The following OTP variants were observed in gnomAD, a reference collection of about 807,000 sequenced individuals.
The protein encoded by OTP is homeobox protein orthopedia.
In OTP, 5 loss-of-function variants were observed where a neutral mutation model predicts 22.3. The observed-to-expected ratio is 0.22, with a 90% CI of 0.12 to 0.47. The LOEUF is 0.47. Among genes scored for constraint, OTP ranks in the 20% least tolerant of loss-of-function variants. OTP has a pLI of 0.99. For missense variants in OTP, 428 were observed against 456.2 expected (o/e 0.94, Z 0.56); for synonymous variants, 229 against 210.6 (o/e 1.09, Z -0.76).
intron 2 of OTP, among the ~76,000 whole-genome samples, chr5:77,631,855 G>A (rs1342025446): frequency 1.3e-5 from 2 of 152,022 alleles, no homozygotes; most frequent in Non-Finnish European, 2.9e-5. Flanking sequence ...GAGCCACCGC[G>A]CCAAGCCAAA....
chr5:77,630,613 G>T lies in OTP; in HGVS notation c.629C>A (p.Ala210Glu). 6.4e-7 allele frequency: 1 copy of T among 1,552,964 alleles called. No individual in the cohort carries two copies. The highest frequency in any genetic ancestry group is 8.6e-7 in the Non-Finnish European group (1 of 1,156,652). Reference sequence around the variant, plus strand: ...TGACACGCCAGGCATGGCGGCCGCCGCCCAGCGGGTGTCGTTGGCGTGGAA... The same window carrying T: ...TGACACGCCAGGCATGGCGGCCGCCTCCCAGCGGGTGTCGTTGGCGTGGAA... ...CSFHANDTRWAAAAMPGVSQL... is the reference protein window; with the variant it reads ...CSFHANDTRWEAAAMPGVSQL... Residue 210 changes from alanine to glutamate, a missense_variant, in exon 3 of 3, where the codon GCG becomes GAG. By Grantham distance (107) the Ala-to-Glu change is moderately radical. Coordinates refer to ENST00000306422, the MANE Select transcript of OTP (RefSeq NM_032109.3).
intron 2 of OTP, among the ~76,000 whole-genome samples, chr5:77,631,639 A>G (rs935295588): frequency 7.0e-6 from 1 of 142,244 alleles, no homozygotes; most frequent in African/African-American, 2.7e-5. Context: ...GCTCACTGCA[A>G]CCTCCGCTTC....
chr5:77,628,881 TG>T lies in OTP; in HGVS notation c.*1382del, dbSNP rs1436837068. ...AAAACATATCACAAATTGACCAGTA[TG>T]TAACAAGAATGCTTTATCTACACAA... On this transcript the variant is annotated 3_prime_UTR_variant, in exon 3 of 3. Coordinates refer to ENST00000306422, the MANE Select transcript of OTP (RefSeq NM_032109.3). The T allele has an allele frequency of 6.6e-6, 1 of 152,604 alleles. No individual in the cohort carries two copies. The highest frequency in any genetic ancestry group is 1.5e-5 in the Non-Finnish European group (1 of 68,034). The allele number at this position is 152,604 out of a possible 1,614,324, so 9.5% of individuals were successfully genotyped here.
In OTP at chr5:77,630,258, G is replaced by C; in HGVS notation, c.*6C>G. ...TGGGGGCGGAGCGGGCCGGGGCGCG[G>C]CTGCATTAAGTGAAGCTCATAGAGA... is the stretch of plus-strand genomic sequence containing the variant. On this transcript the variant is annotated 3_prime_UTR_variant, in exon 3 of 3. Transcript: ENST00000306422. The C allele has an allele frequency of 6.6e-7, 1 of 1,510,674 alleles. No individual in the cohort carries two copies. The highest frequency in any genetic ancestry group is 1.2e-5 in the South Asian group (1 of 81,384). 93.6% of individuals were successfully genotyped at this position (1,510,674 alleles called of 1,614,324 possible).
At chr5:77,634,377 C>T (rs573982282) in intron 2 of OTP, among the ~76,000 whole-genome samples, 1 of 152,154 alleles carries the variant, frequency 6.6e-6, no homozygotes, top group African/African-American at 2.4e-5. Context: ...ATGGAATTGG[C>T]CTCCATGTGA....
At position 77,637,221 on chromosome 5, in the gene OTP, T is replaced by A; in HGVS notation, c.47A>T (p.Asp16Val). ...CCGGTGGCCCAGAAGCTCGGCGGCATCTTTCATACCTGAGGAGGCAAGGGG... is the reference window on the plus strand; with the variant it reads ...CCGGTGGCCCAGAAGCTCGGCGGCAACTTTCATACCTGAGGAGGCAAGGGG... ...DLLDARLGMK[D>V]AAELLGHREA... The change falls in exon 2 of 3, where the codon GAT (aspartate) becomes GTT (valine). Residue 16 changes from aspartate (D) to valine (V), a missense_variant. This residue lies in a region of OTP where 176 missense variants were observed against 162.9 expected (regional missense o/e 1.08). Coordinates refer to ENST00000306422, the MANE Select transcript of OTP (RefSeq NM_032109.3). 4.6e-6 allele frequency: 7 copies of A among 1,519,448 alleles called. No individual in the cohort carries two copies. The South Asian group carries it at 7.8e-5, about 17-fold the overall frequency. The allele number at this position is 1,519,448 out of a possible 1,614,324, so 94.1% of individuals were successfully genotyped here. A position where few individuals can be genotyped will look rare whatever the true frequency, so the allele number is the denominator to read the frequency against.
chr5:77,631,756 G>T (rs1281372420), intron 2 of OTP, among the ~76,000 whole-genome samples: 1 of 151,556 alleles, frequency 6.6e-6, no homozygotes, highest in Non-Finnish European at 1.5e-5. Context: ...GTGGAGACGG[G>T]GTTTCACCAT....
In OTP at chr5:77,638,495, C is replaced by G; in HGVS notation, c.37+18G>C. On this transcript the variant is annotated intron_variant, in intron 1 of 2. Transcript: ENST00000306422. ...CCCCGGCTTCTCCTGGCTGCCCGGG[C>G]GAGAGGCGCGCACTCACCTAGCCTG... is the stretch of plus-strand genomic sequence containing the variant. 6.4e-7 allele frequency: 1 copy of G among 1,569,290 alleles called. No homozygotes were observed. Among genetic ancestry groups the G allele is most frequent in the Non-Finnish European group, 8.6e-7 (1 of 1,156,534 alleles).
intron 2 of OTP, chr5:77,636,619 G>A: frequency 3.6e-6 from 2 of 556,060 alleles, no homozygotes; most frequent in Non-Finnish European, 3.1e-6. Context: ...TATACTGGCC[G>A]GAGACGGGCC....
chr5:77,636,441 A>C, intron 2 of OTP: 1 of 196,950 alleles, frequency 5.1e-6, no homozygotes, highest in Non-Finnish European at 1.0e-5. Context: ...GCTTAACACA[A>C]ACTCATTAGG....
chr5:77,632,138 C>A (rs140846355), intron 2 of OTP, among the ~76,000 whole-genome samples: 1,971 of 150,562 alleles, frequency 0.013, 45 homozygotes, highest in African/African-American at 0.046. Flanking sequence ...CCGGGAGTTA[C>A]AGACCCTGTC....
chr5:77,638,620 T>A lies in OTP; in HGVS notation c.-71A>T, dbSNP rs1745049649. On this transcript the variant is annotated 5_prime_UTR_variant, in exon 1 of 3. Transcript: ENST00000306422. The stretch of plus-strand genomic sequence containing the variant: ...GGCTTTAAGTTATTTAAAATAGATA[T>A]AAGCTATAAGCTATACGATATAGAT... 6 of 1,350,012 alleles carry A rather than the reference T, an allele frequency of 4.4e-6. No individual in the cohort carries two copies. The highest frequency in any genetic ancestry group is 6.0e-6 in the Non-Finnish European group (6 of 1,001,468). 83.6% of individuals were successfully genotyped at this position (1,350,012 alleles called of 1,614,324 possible). A position where few individuals can be genotyped will look rare whatever the true frequency, so the allele number is the denominator to read the frequency against.
chr5:77,636,999 G>C lies in OTP; in HGVS notation c.269C>G (p.Pro90Arg). 3 of 1,613,458 alleles carry C rather than the reference G, an allele frequency of 1.9e-6. No homozygotes were observed. The highest frequency in any genetic ancestry group is 2.5e-6 in the Non-Finnish European group (3 of 1,179,824). ...CTGCTGGCCGGCTTGGCTGGGGTTCGGGCCGCCCTGGGGCCCGGGCTGCTT... is the reference window on the plus strand; with the variant it reads ...CTGCTGGCCGGCTTGGCTGGGGTTCCGGCCGCCCTGGGGCCCGGGCTGCTT... ...PDKQPGPQGG[P>R]NPSQAGQQQG... Residue 90 changes from proline (P) to arginine (R), a missense_variant, in exon 2 of 3, where the codon CCG becomes CGG. Pro to Arg is a moderately radical substitution (Grantham distance 103, BLOSUM62 -2). This residue lies in a region of OTP where 176 missense variants were observed against 162.9 expected (regional missense o/e 1.08). Coordinates refer to ENST00000306422, the MANE Select transcript of OTP (RefSeq NM_032109.3).
chr5:77,638,272 G>A lies in OTP; in HGVS notation c.37+241C>T, dbSNP rs1580066925. 2.7e-5 allele frequency among the ~76,000 whole-genome samples: 4 copies of A among 148,816 alleles called. No individual in the cohort carries two copies. The South Asian group carries it at 8.5e-4, about 32-fold the overall frequency. Reference sequence around the variant, plus strand: ...TCGAAAAAAAAAAAAAGGCGGGGGAGGGGGGAAGAGAAAAATAAGAAAAAC... The same window carrying A: ...TCGAAAAAAAAAAAAAGGCGGGGGAAGGGGGAAGAGAAAAATAAGAAAAAC... On this transcript the variant is annotated intron_variant, in intron 1 of 2. Coordinates refer to ENST00000306422, the MANE Select transcript of OTP (RefSeq NM_032109.3).
At chr5:77,633,576 T>C (rs1441293814) in intron 2 of OTP, among the ~76,000 whole-genome samples, 1 of 152,218 alleles carries the variant, frequency 6.6e-6, no homozygotes, top group Non-Finnish European at 1.5e-5. Flanking sequence ...CAGTTTGAAA[T>C]GCAGCTCTTC....
In OTP at chr5:77,638,504, C is replaced by G; in HGVS notation, c.37+9G>C. 1 of 1,572,782 alleles carries G rather than the reference C, an allele frequency of 6.4e-7. No homozygotes were observed. The highest frequency in any genetic ancestry group is 8.6e-7 in the Non-Finnish European group (1 of 1,158,714). On this transcript the variant is annotated intron_variant, in intron 1 of 2. Coordinates refer to ENST00000306422, the MANE Select transcript of OTP (RefSeq NM_032109.3). Reference sequence around the variant, plus strand: ...CTCCTGGCTGCCCGGGCGAGAGGCGCGCACTCACCTAGCCTGGCGTCCAGG... The same window carrying G: ...CTCCTGGCTGCCCGGGCGAGAGGCGGGCACTCACCTAGCCTGGCGTCCAGG...
intron 2 of OTP, among the ~76,000 whole-genome samples, chr5:77,632,434 G>T (rs548256763): frequency 6.6e-6 from 1 of 152,086 alleles, no homozygotes; most frequent in Non-Finnish European, 1.5e-5. Context: ...ATTTGACCAC[G>T]ATATCCGTGG....
rs747917999 is a variant in OTP, at chr5:77,636,975, T to A, written c.293A>T (p.Gln98Leu). ...GCGCTTCTGCTTCTGTTGGCCCTGCTGCTGGCCGGCTTGGCTGGGGTTCGG... is the reference window on the plus strand; with the variant it reads ...GCGCTTCTGCTTCTGTTGGCCCTGCAGCTGGCCGGCTTGGCTGGGGTTCGG... ...GGPNPSQAGQQQGQQKQKRHR... is the reference protein window; with the variant it reads ...GGPNPSQAGQLQGQQKQKRHR... The change falls in exon 2 of 3, where the codon CAG (glutamine) becomes CTG (leucine). Residue 98 changes from glutamine (Q) to leucine (L), a missense_variant. By Grantham distance (113) the Gln-to-Leu change is moderately radical (BLOSUM62 -2). Coordinates refer to ENST00000306422, the MANE Select transcript of OTP (RefSeq NM_032109.3). 3.7e-6 allele frequency: 6 copies of A among 1,613,890 alleles called. No individual in the cohort carries two copies. Among genetic ancestry groups the A allele is most frequent in the Non-Finnish European group, 5.1e-6 (6 of 1,179,964 alleles).
At chr5:77,634,120 G>A (rs1744972682) in intron 2 of OTP, among the ~76,000 whole-genome samples, 3 of 152,206 alleles carry the variant, frequency 2.0e-5, no homozygotes, top group African/African-American at 7.2e-5. Flanking sequence ...AAGCCTGACT[G>A]TGCAGAAGTT....
Sources: gnomAD v4.1 joint callset for allele counts (sites outside exome capture counted in the v4.1 genomes callset) on GRCh38, gnomAD v4.1.1 for gene constraint, gnomAD v4.1.1 regional missense constraint, MANE v1.5 for transcripts, NCBI Gene and HGNC (gene_info 2026-07-23, HGNC 2026-07-21) for gene names.